The following ITPR2 variants were observed in gnomAD, a reference collection of about 807,000 sequenced individuals.
ITPR2 encodes the protein inositol 1,4,5-trisphosphate receptor type 2.
Under a neutral mutation model 317.1 loss-of-function variants are expected in ITPR2, and 207 were observed. The observed-to-expected ratio is 0.65, with a 90% CI of 0.58 to 0.73. The LOEUF (loss-of-function observed/expected upper bound fraction) is 0.73. ITPR2 is among the 30% of genes least tolerant of loss of function. The pLI is 0.00. For missense variants in ITPR2, 2,613 were observed against 3,284.0 expected, an observed-to-expected ratio of 0.80 and a Z score of 4.99; for synonymous variants, 1,156 against 1,149.1, an observed-to-expected ratio of 1.01 and a Z score of -0.12.
chr12:26,575,273 A>G (rs1945249516), intron 34 of ITPR2, among the ~76,000 whole-genome samples: 1 of 150,708 alleles, frequency 6.6e-6, no homozygotes, highest in African/African-American at 2.4e-5. Context: ...TTGATTTTTT[A>G]AACCGACAAA....
chr12:26,760,208 A>G (rs1162554667), intron 2 of ITPR2, among the ~76,000 whole-genome samples: 8 of 152,198 alleles, frequency 5.3e-5, no homozygotes, highest in Non-Finnish European at 7.3e-5. Flanking sequence ...AATATTTTCA[A>G]TCTGCAGTTG....
chr12:26,464,036 A>G (rs546086242), intron 45 of ITPR2, among the ~76,000 whole-genome samples: 1 of 152,262 alleles, frequency 6.6e-6, no homozygotes, highest in African/African-American at 2.4e-5. Context: ...CCCACCACAA[A>G]GCCTTATACA....
At chr12:26,702,419 T>C (rs1429782328) in intron 9 of ITPR2, among the ~76,000 whole-genome samples, 1 of 91,408 alleles carries the variant, frequency 1.1e-5, no homozygotes, top group Non-Finnish European at 2.7e-5. Context: ...GGGGGGTTGG[T>C]GTTTTTTTTT....
At chr12:26,581,353 T>G (rs1945399740) in intron 32 of ITPR2, among the ~76,000 whole-genome samples, 1 of 152,184 alleles carries the variant, frequency 6.6e-6, no homozygotes. Context: ...TCACTTCCCA[T>G]CTGAGCAGTT....
chr12:26,578,986 C>T (rs1173249608), intron 33 of ITPR2, among the ~76,000 whole-genome samples, 153 bp from the exon 34 acceptor site: 1 of 152,114 alleles, frequency 6.6e-6, no homozygotes, highest in Non-Finnish European at 1.5e-5. Context: ...ATTCATGAAA[C>T]ATTTATTAGA....
At chr12:26,774,922 G>C (rs950753184) in intron 2 of ITPR2, among the ~76,000 whole-genome samples, 6 of 152,200 alleles carry the variant, frequency 3.9e-5, no homozygotes, top group African/African-American at 1.4e-4. Flanking sequence ...CAGCCTTCCT[G>C]TCCTTCGTAG....
chr12:26,451,493 C>T (rs534721716), intron 45 of ITPR2, among the ~76,000 whole-genome samples: 33 of 152,110 alleles, frequency 2.2e-4, no homozygotes, highest in African/African-American at 7.2e-4. Context: ...CTGCACTATA[C>T]AAACTTCACC....
intron 55 of ITPR2, among the ~76,000 whole-genome samples, chr12:26,368,757 AC>A (rs1373427063): frequency 2.0e-5 from 3 of 152,240 alleles, no homozygotes; most frequent in African/African-American, 7.2e-5. Flanking sequence ...CTAAGCGCCC[AC>A]TATGTGCCAG....
chr12:26,515,219 C>T (rs1208654042), intron 37 of ITPR2, among the ~76,000 whole-genome samples: 2 of 152,124 alleles, frequency 1.3e-5, no homozygotes, highest in Non-Finnish European at 2.9e-5. Flanking sequence ...AAGTAGTTTT[C>T]TTGGAATGCT....
intron 37 of ITPR2, among the ~76,000 whole-genome samples, chr12:26,505,042 G>A (rs1943154475): frequency 6.6e-6 from 1 of 152,196 alleles, no homozygotes; most frequent in South Asian, 2.1e-4. Flanking sequence ...GAACACATAT[G>A]TAGACACAAG....
At chr12:26,830,186 G>A (rs576355804) in intron 1 of ITPR2, among the ~76,000 whole-genome samples, 28 of 152,250 alleles carry the variant, frequency 1.8e-4, no homozygotes, top group Non-Finnish European at 3.7e-4. Context: ...TTACAGGCAT[G>A]AGCCACTGTG....
chr12:26,821,305 G>A (rs997543203), intron 1 of ITPR2, among the ~76,000 whole-genome samples: 6 of 152,084 alleles, frequency 3.9e-5, no homozygotes, highest in African/African-American at 7.2e-5. Flanking sequence ...TGATTTCCCC[G>A]GTAGCCAGAT....
chr12:26,387,012 A>C (rs1226928262), intron 55 of ITPR2, among the ~76,000 whole-genome samples: 2 of 152,198 alleles, frequency 1.3e-5, no homozygotes, highest in African/African-American at 4.8e-5. Context: ...ATCCCCAAAC[A>C]CAATTCAATT....
At chr12:26,650,667 G>A (rs1421251727) in intron 21 of ITPR2, among the ~76,000 whole-genome samples, 3 of 152,206 alleles carry the variant, frequency 2.0e-5, no homozygotes, top group Admixed American at 1.3e-4. Context: ...ATTGTAAGCA[G>A]TGAGATCAAA....
chr12:26,582,511 C>T (rs977187436), intron 32 of ITPR2, among the ~76,000 whole-genome samples: 1 of 152,154 alleles, frequency 6.6e-6, no homozygotes, highest in African/African-American at 2.4e-5. Context: ...TTCTAATGCA[C>T]CATCATGCTT....
intron 26 of ITPR2, among the ~76,000 whole-genome samples, chr12:26,617,639 AAAG>A (rs1946399021): frequency 8.1e-6 from 1 of 122,716 alleles, no homozygotes; most frequent in African/African-American, 3.0e-5. Flanking sequence ...AGGAAAGAAA[AAAG>A]AAAAGAAAGG....
rs1941466481 is a variant in ITPR2 at position 26,440,687 on chromosome 12, T to C, written c.6451-1368A>G. 3.9e-5 allele frequency among the ~76,000 whole-genome samples: 6 copies of C among 152,114 alleles called. No homozygotes were observed. In the South Asian group the frequency reaches 1.0e-3, roughly 26 times the overall value. ...TACAAAAATCAATTGTACAAAATAATTGGACATATTTGATATGACAGGCAA... is the reference window on the plus strand; with the variant it reads ...TACAAAAATCAATTGTACAAAATAACTGGACATATTTGATATGACAGGCAA... On this transcript the variant is annotated intron_variant, in intron 46 of 56. Coordinates refer to ENST00000381340, the MANE Select transcript of ITPR2 (RefSeq NM_002223.4).
At chr12:26,656,778 T>C (rs1947378290) in intron 18 of ITPR2, among the ~76,000 whole-genome samples, 2 of 152,168 alleles carry the variant, frequency 1.3e-5, no homozygotes, top group Non-Finnish European at 2.9e-5. Flanking sequence ...TTCAGCAAAA[T>C]GTGTCTGCTG....
intron 52 of ITPR2, among the ~76,000 whole-genome samples, chr12:26,403,059 A>G (rs1376965218): frequency 6.6e-6 from 1 of 152,326 alleles, no homozygotes; most frequent in East Asian, 1.9e-4. Context: ...CTCACAGATG[A>G]GGGCTTCAGT....
Sources: gnomAD v4.1 joint callset for allele counts (sites outside exome capture counted in the v4.1 genomes callset) on GRCh38, gnomAD v4.1.1 for gene constraint, MANE v1.5 for transcripts, NCBI Gene and HGNC (gene_info 2026-07-23, HGNC 2026-07-21) for gene names.